Variants in GPC6 observed in about 807,000 individuals in gnomAD.
GPC6 encodes the protein glypican-6.
In GPC6, 14 loss-of-function variants were observed where a neutral mutation model predicts 55.2. The ratio of observed to expected loss-of-function variants is 0.25; its 90% CI spans 0.17 to 0.40. GPC6 has a LOEUF of 0.40. GPC6 is among the 10% of genes least tolerant of loss of function. The pLI is 1.00. For missense variants in GPC6, 641 were observed against 708.5 expected (o/e 0.90, Z 1.08); for synonymous variants, 278 against 259.6 (o/e 1.07, Z -0.68).
At chr13:93,449,619 G>A (rs960861005) in intron 1 of GPC6, among the ~76,000 whole-genome samples, 1 of 152,174 alleles carries the variant, frequency 6.6e-6, no homozygotes, top group Non-Finnish European at 1.5e-5. Flanking sequence ...CCTGAGGTCA[G>A]GAGTTCGAAA....
At chr13:93,976,996 A>G (rs1305375447) in intron 3 of GPC6, among the ~76,000 whole-genome samples, 1 of 152,160 alleles carries the variant, frequency 6.6e-6, no homozygotes, top group Non-Finnish European at 1.5e-5. Flanking sequence ...TAACAAATAT[A>G]GAGCATTCTG....
At chr13:94,096,220 G>T (rs1885650771) in intron 4 of GPC6, among the ~76,000 whole-genome samples, 2 of 151,718 alleles carry the variant, frequency 1.3e-5, no homozygotes, top group African/African-American at 4.8e-5. Flanking sequence ...ATGGGAATTT[G>T]TAAACTGAGA....
chr13:93,909,428 C>A (rs531260749), intron 3 of GPC6, among the ~76,000 whole-genome samples: 32 of 151,954 alleles, frequency 2.1e-4, no homozygotes, highest in East Asian at 3.9e-4. Context: ...TATAGCACTG[C>A]ACATATTAGT....
At chr13:93,885,367 C>G (rs911791926) in intron 3 of GPC6, among the ~76,000 whole-genome samples, 7 of 149,664 alleles carry the variant, frequency 4.7e-5, no homozygotes, top group Admixed American at 6.7e-5. Flanking sequence ...GGTCTGGAAA[C>G]TGAGCAGTGC....
chr13:94,271,407 C>CAT (rs1299464916), intron 4 of GPC6, among the ~76,000 whole-genome samples: 4 of 151,694 alleles, frequency 2.6e-5, no homozygotes, highest in Non-Finnish European at 5.9e-5. Context: ...CACACACACA[C>CAT]ACTCCATCAT....
chr13:93,711,369 A>C (rs184516777), intron 2 of GPC6, among the ~76,000 whole-genome samples: 1 of 151,838 alleles, frequency 6.6e-6, no homozygotes, highest in South Asian at 2.1e-4. Context: ...CCTATTCACT[A>C]TCATGAGAAC....
intron 1 of GPC6, among the ~76,000 whole-genome samples, chr13:93,334,105 C>T (rs1032898327): frequency 6.6e-6 from 1 of 152,050 alleles, no homozygotes; most frequent in African/African-American, 2.4e-5. Context: ...ATATAGACAA[C>T]AAATTTTCAT....
chr13:93,400,099 G>T (rs991797986), intron 1 of GPC6, among the ~76,000 whole-genome samples: 1 of 152,270 alleles, frequency 6.6e-6, no homozygotes, highest in East Asian at 1.9e-4. Context: ...TCTTAAAGTG[G>T]TTGACGGGGA....
intron 1 of GPC6, among the ~76,000 whole-genome samples, chr13:93,272,490 GTGTATATATATATATATA>G (rs1047448741): frequency 1.0e-4 from 10 of 95,436 alleles, no homozygotes; most frequent in Admixed American, 3.8e-4. Flanking sequence ...CATTGTCTGT[GTGTATATATATATATATA>G]TATATATATA....
At chr13:93,313,317 T>A (rs1879136909) in intron 1 of GPC6, among the ~76,000 whole-genome samples, 1 of 152,096 alleles carries the variant, frequency 6.6e-6, no homozygotes, top group South Asian at 2.1e-4. Context: ...GATAACTACT[T>A]CCAATCTAGT....
Position 93,545,321 on chromosome 13 carries a change from C to G in GPC6, c.219C>G (p.Asp73Glu), listed in dbSNP as rs750859376. 6.2e-7 allele frequency: 1 copy of G among 1,613,294 alleles called. No homozygotes were observed. Among genetic ancestry groups the G allele is most frequent in the Admixed American group, 1.7e-5 (1 of 60,002 alleles). ...EYTCCTTEME[D>E]KLSQQSKLEF... ...CATGCTGCACCACAGAAATGGAAGACAAGTTAAGCCAACAAAGCAAACTCG... is the reference window on the plus strand; with the variant it reads ...CATGCTGCACCACAGAAATGGAAGAGAAGTTAAGCCAACAAAGCAAACTCG... Residue 73 changes from aspartate to glutamate, a missense_variant, in exon 2 of 9, where the codon GAC becomes GAG. Physicochemically the swap from Asp to Glu is conservative, Grantham distance 45. Coordinates refer to ENST00000377047, the MANE Select transcript of GPC6 (RefSeq NM_005708.5).
At chr13:93,232,576 A>G (rs1348835820) in intron 1 of GPC6, among the ~76,000 whole-genome samples, 1 of 152,174 alleles carries the variant, frequency 6.6e-6, no homozygotes, top group Admixed American at 6.5e-5. Context: ...TTTTACATAA[A>G]ATATCTCTCA....
intron 3 of GPC6, among the ~76,000 whole-genome samples, chr13:93,875,001 A>G (rs923342852): frequency 1.3e-5 from 2 of 152,130 alleles, no homozygotes; most frequent in African/African-American, 2.4e-5. Context: ...CATCTCTTGC[A>G]TAATATTAGA....
At chr13:93,873,362 T>A (rs1889189481) in intron 3 of GPC6, among the ~76,000 whole-genome samples, 1 of 152,006 alleles carries the variant, frequency 6.6e-6, no homozygotes, top group South Asian at 2.1e-4. Context: ...TCATCTCTGT[T>A]ATAGTCAGAG....
At chr13:93,816,715 C>T (rs1488062288) in intron 2 of GPC6, among the ~76,000 whole-genome samples, 1 of 150,358 alleles carries the variant, frequency 6.7e-6, no homozygotes, top group Non-Finnish European at 1.5e-5. Flanking sequence ...GAAAATTAGA[C>T]AATGTACAGA....
chr13:94,351,378 A>C (rs1878534449), intron 6 of GPC6, among the ~76,000 whole-genome samples: 1 of 152,082 alleles, frequency 6.6e-6, no homozygotes, highest in Non-Finnish European at 1.5e-5. Flanking sequence ...GTAGTAATTT[A>C]TAAAGCTGCC....
At position 94,357,199 on chromosome 13, in the gene GPC6, A is replaced by G. The variant is rs1020873903; in HGVS notation, c.1153-25215A>G. Among the ~76,000 whole-genome samples the G allele has an allele frequency of 9.2e-5, 14 of 152,150 alleles. No homozygotes were observed. The East Asian group carries it at 1.7e-3, about 19-fold the overall frequency. On this transcript the variant is annotated intron_variant, in intron 6 of 8. Transcript: ENST00000377047. The stretch of plus-strand genomic sequence containing the variant: ...CTCCTGGCCCACTTCTCTGGCCCCA[A>G]CTCCTGCCTCTCCAACATATGCACT...
intron 2 of GPC6, among the ~76,000 whole-genome samples, chr13:93,629,239 A>G (rs2185150): frequency 0.82 from 124,931 of 151,988 alleles, 52,500 homozygotes; most frequent in Non-Finnish European, 0.9. Context: ...AATTGGAACT[A>G]TATTGCTTGC....
At chr13:93,715,505 A>G (rs1057013194) in intron 2 of GPC6, among the ~76,000 whole-genome samples, 15 of 151,496 alleles carry the variant, frequency 9.9e-5, no homozygotes, top group African/African-American at 3.4e-4. Flanking sequence ...TGGAAAAGCT[A>G]ATGACTGAGC....
Sources: allele counts gnomAD v4.1 joint callset (sites outside exome capture counted in the v4.1 genomes callset), GRCh38; gene constraint gnomAD v4.1.1; transcripts MANE v1.5; gene names NCBI Gene and HGNC (gene_info 2026-07-23, HGNC 2026-07-21).